Variants in ITGAV observed in about 807,000 individuals in gnomAD.
The protein encoded by ITGAV is integrin subunit alpha V.
In ITGAV, 76 loss-of-function variants were observed where a neutral mutation model predicts 143.8. The ratio of observed to expected loss-of-function variants is 0.53; its 90% CI spans 0.44 to 0.64. The LOEUF is 0.64. Ranked by LOEUF, ITGAV falls within the 30% of genes least tolerant of loss-of-function variation. The pLI is 0.00. For synonymous variants in ITGAV, 453 were observed against 446.7 expected (o/e 1.01, Z -0.18); for missense variants, 1,193 against 1,274.7 (o/e 0.94, Z 0.98).
chr2:186,621,252 A>G (rs1205241826), intron 2 of ITGAV, among the ~76,000 whole-genome samples: 3 of 152,224 alleles, frequency 2.0e-5, no homozygotes, highest in East Asian at 1.9e-4. Flanking sequence ...CAGTAATACA[A>G]TGAACAACGA....
chr2:186,659,206 ATT>A, intron 18 of ITGAV, 31 bp downstream of exon 18: 1 of 1,386,414 alleles, frequency 7.2e-7, no homozygotes, highest in Non-Finnish European at 9.5e-7. Context: ...CTAATGTGAT[ATT>A]TTGTTATTTT....
At chr2:186,649,259 ATC>A (rs922398409) in intron 13 of ITGAV, among the ~76,000 whole-genome samples, 21 of 150,666 alleles carry the variant, frequency 1.4e-4, no homozygotes, top group Admixed American at 1.2e-3. Context: ...ATGTTATTTA[ATC>A]TGTTTTTATT....
intron 13 of ITGAV, among the ~76,000 whole-genome samples, chr2:186,648,040 A>G (rs1007149902): frequency 6.6e-6 from 1 of 152,176 alleles, no homozygotes; most frequent in African/African-American, 2.4e-5. Context: ...TCATGCTTTT[A>G]TATGCTATTC....
intron 4 of ITGAV, 74 bp from the exon 5 acceptor site, chr2:186,630,723 A>T (rs192502012): frequency 2.5e-6 from 2 of 801,660 alleles, no homozygotes; most frequent in East Asian, 2.5e-5. Context: ...TTCTAGTGAT[A>T]TCAGATTTTC....
intron 2 of ITGAV, among the ~76,000 whole-genome samples, chr2:186,602,461 A>T (rs1467473325): frequency 6.6e-6 from 1 of 152,196 alleles, no homozygotes; most frequent in African/African-American, 2.4e-5. Flanking sequence ...GAGAATAGGG[A>T]GCTCATAGGC....
chr2:186,614,943 A>T (rs968587858), intron 2 of ITGAV, among the ~76,000 whole-genome samples: 1 of 152,032 alleles, frequency 6.6e-6, no homozygotes, highest in Non-Finnish European at 1.5e-5. Flanking sequence ...TTTTGTAACT[A>T]TTACTACAGT....
chr2:186,666,477 A>G (rs1317907573), intron 21 of ITGAV, among the ~76,000 whole-genome samples: 2 of 152,246 alleles, frequency 1.3e-5, no homozygotes, highest in East Asian at 3.8e-4. Context: ...ATAAGGAGGT[A>G]TAATTATGAT....
intron 1 of ITGAV, among the ~76,000 whole-genome samples, chr2:186,590,782 C>G (rs917470749): frequency 6.6e-6 from 1 of 152,214 alleles, no homozygotes; most frequent in Non-Finnish European, 1.5e-5. Flanking sequence ...TGAAGCAGAC[C>G]TGTGCTTAAA....
chr2:186,656,324 T>G lies in ITGAV; in HGVS notation c.1642T>G (p.Ser548Ala), dbSNP rs2230615. ...IRRALFLYSR[S>A]PSHSKNMTIS... ...ACGAGCACTGTTTCTCTACAGCAGG[T>G]CCCCAAGTCACTCCAAGAACATGAC... The change falls in exon 17 of 30, where the codon TCC becomes GCC. Residue 548 changes from serine to alanine, a missense_variant. Physicochemically the swap from Ser to Ala is moderately conservative, Grantham distance 99 (BLOSUM62 1). Transcript: ENST00000261023. 2.0e-4 allele frequency: 319 copies of G among 1,582,262 alleles called. 1 individual carries two copies. The African/African-American group carries it at 3.7e-3, about 19-fold the overall frequency.
At chr2:186,624,558 A>G (rs1687620805) in intron 3 of ITGAV, among the ~76,000 whole-genome samples, 1 of 152,184 alleles carries the variant, frequency 6.6e-6, no homozygotes, top group African/African-American at 2.4e-5. Flanking sequence ...GGGTATATAT[A>G]CAATAAGTCA....
chr2:186,601,388 A>G (rs1686899857), intron 1 of ITGAV, among the ~76,000 whole-genome samples: 3 of 151,940 alleles, frequency 2.0e-5, no homozygotes, highest in Admixed American at 1.3e-4. Context: ...TTGAGCCAGG[A>G]GTTGGAGGTT....
At chr2:186,595,374 G>T (rs550736689) in intron 1 of ITGAV, among the ~76,000 whole-genome samples, 1 of 152,292 alleles carries the variant, frequency 6.6e-6, no homozygotes, top group African/African-American at 2.4e-5. Flanking sequence ...TGAATCAACT[G>T]CCCTTCAAGT....
chr2:186,590,081 G>C lies in ITGAV; in HGVS notation c.-258G>C, dbSNP rs1021915031. The C allele has an allele frequency of 2.1e-5, 8 of 386,164 alleles. No homozygotes were observed. Among genetic ancestry groups the C allele is most frequent in the African/African-American group, 1.7e-4 (8 of 47,246 alleles). 23.9% of individuals were successfully genotyped at this position (386,164 alleles called of 1,614,324 possible). A position where few individuals can be genotyped will look rare whatever the true frequency, so the allele number is the denominator to read the frequency against. ...AGTCCCCAGCCTCAGACGCTGCGTG[G>C]AGCGGCGGAGCCGGAGGGAAGCAAA... On this transcript the variant is annotated 5_prime_UTR_variant, in exon 1 of 30. Coordinates refer to ENST00000261023, the MANE Select transcript of ITGAV (RefSeq NM_002210.5).
intron 13 of ITGAV, among the ~76,000 whole-genome samples, chr2:186,648,920 A>G: frequency 6.7e-6 from 1 of 149,300 alleles, no homozygotes. Context: ...TTGTGTGTAT[A>G]TATATATACA....
intron 19 of ITGAV, 61 bp from the exon 20 acceptor site, chr2:186,664,433 A>C: frequency 1.3e-6 from 2 of 1,490,652 alleles, no homozygotes; most frequent in Non-Finnish European, 1.8e-6. Flanking sequence ...TTCTTTGAAC[A>C]GTCATACTTT....
chr2:186,676,687 A>G, intron 28 of ITGAV, 126 bp from the exon 29 acceptor site: 1 of 1,043,580 alleles, frequency 9.6e-7, no homozygotes, highest in Non-Finnish European at 1.3e-6. Context: ...TGAAACCACT[A>G]AATTATCATA....
At chr2:186,642,689 C>T (rs1688143134) in intron 12 of ITGAV, among the ~76,000 whole-genome samples, 2 of 142,292 alleles carry the variant, frequency 1.4e-5, no homozygotes, top group African/African-American at 5.1e-5. Flanking sequence ...CTCCCACCAC[C>T]TAGCCCAGCT....
At chr2:186,674,982 C>G (rs1345998338) in intron 26 of ITGAV, among the ~76,000 whole-genome samples, 2 of 152,188 alleles carry the variant, frequency 1.3e-5, no homozygotes, top group East Asian at 3.8e-4. Flanking sequence ...AAACTCTTTT[C>G]TACTCCTAAT....
rs111815891 is a variant in ITGAV at position 186,616,568 on chromosome 2, G to A, written c.317-5771G>A. On this transcript the variant is annotated intron_variant, in intron 2 of 29. Transcript: ENST00000261023. ...GCTGGGATTACAGGCGCGAGCCACCGCGCCCGGCCGATATACCTTATTTCA... is the reference window on the plus strand; with the variant it reads ...GCTGGGATTACAGGCGCGAGCCACCACGCCCGGCCGATATACCTTATTTCA... Among the ~76,000 whole-genome samples, 208 of 152,188 alleles carry A rather than the reference G, an allele frequency of 1.4e-3. 1 individual carries two copies. The highest frequency in any genetic ancestry group is 2.0e-3 in the Non-Finnish European group (133 of 67,988).
Sources: allele counts gnomAD v4.1 joint callset (sites outside exome capture counted in the v4.1 genomes callset), GRCh38; gene constraint gnomAD v4.1.1; transcripts MANE v1.5; gene names NCBI Gene and HGNC (gene_info 2026-07-23, HGNC 2026-07-21).